Variants in CENPK observed in about 807,000 individuals in gnomAD.
CENPK encodes the protein centromere protein K.
CENPK carries 46 observed loss-of-function variants against 40.9 expected under a neutral mutation model. That is an observed-to-expected ratio of 1.13 (90% CI 0.89 to 1.44). The LOEUF (loss-of-function observed/expected upper bound fraction) is 1.44, where lower values mean the gene tolerates loss of function less well. CENPK is among the 40% of genes most tolerant of loss of function. The probability of loss-of-function intolerance (pLI) is 0.00; values close to 1 mark genes in which losing one functional copy is unlikely to be tolerated. For synonymous variants in CENPK, 107 were observed against 104.4 expected (o/e 1.02, Z -0.15); for missense variants, 288 against 303.5 (o/e 0.95, Z 0.38).
chr5:65,496,355 T>TGA, the CENPK span, among the ~76,000 whole-genome samples: 1,931 of 152,222 alleles, frequency 0.013, 18 homozygotes, highest in South Asian at 0.019. Flanking sequence ...TTTCTAAGAG[T>TGA]GAAAGACTGG....
chr5:65,508,786 T>TA, the CENPK span, among the ~76,000 whole-genome samples: 36,702 of 85,594 alleles, frequency 0.43, 7,362 homozygotes, highest in East Asian at 0.59. Context: ...AGACTCCATC[T>TA]AAAAAAAAAA....
downstream of CENPK, among the ~76,000 whole-genome samples, chr5:65,514,427 G>A (rs1742730222): frequency 1.3e-5 from 2 of 151,650 alleles, no homozygotes; most frequent in Admixed American, 1.3e-4. Flanking sequence ...ACCACGCCTG[G>A]CTAATTTTTT....
intron 6 of CENPK, among the ~76,000 whole-genome samples, chr5:65,536,097 C>G (rs1746844176): frequency 6.6e-6 from 1 of 152,148 alleles, no homozygotes; most frequent in Non-Finnish European, 1.5e-5. Flanking sequence ...AATATACAAT[C>G]CCCTTCTTAT....
intron 5 of CENPK, among the ~76,000 whole-genome samples, chr5:65,546,145 G>C (rs965167322): frequency 1.3e-5 from 2 of 152,150 alleles, no homozygotes; most frequent in African/African-American, 2.4e-5. Context: ...ATGAAAACCC[G>C]AAGTAAATCT....
At chr5:65,504,183 C>T in the CENPK span, among the ~76,000 whole-genome samples, 1 of 151,552 alleles carries the variant, frequency 6.6e-6, no homozygotes, top group East Asian at 1.9e-4. Flanking sequence ...TGGCCAGGCG[C>T]AGTGGCTCAT....
intron 9 of CENPK, among the ~76,000 whole-genome samples, chr5:65,522,533 A>G (rs1743971523): frequency 6.6e-6 from 1 of 152,004 alleles, no homozygotes; most frequent in Non-Finnish European, 1.5e-5. Context: ...GGCTCAAACT[A>G]TCTTCCCACC....
At chr5:65,540,808 C>CTT (rs36024048) in intron 6 of CENPK, among the ~76,000 whole-genome samples, 14 of 130,242 alleles carry the variant, frequency 1.1e-4, no homozygotes, top group African/African-American at 2.9e-4. Flanking sequence ...CAACTGTATC[C>CTT]TTTTTTTTTT....
In CENPK at chr5:65,552,633, A is replaced by AT. The variant is rs1398578483; in HGVS notation, c.112-85dup. 8.6e-6 allele frequency: 6 copies of AT among 699,990 alleles called. No homozygotes were observed. In the South Asian group the frequency reaches 1.2e-4, roughly 14 times the overall value. The allele number at this position is 699,990 out of a possible 1,614,324, so 43.4% of individuals were successfully genotyped here. ...TCCCCTCTCCTTTTCTACCAGGCCA[A>AT]TATAACACTCTTCTAAAGCACAAAC... On this transcript the variant is annotated intron_variant, in intron 3 of 10. Coordinates refer to ENST00000396679, the MANE Select transcript of CENPK (RefSeq NM_022145.5).
the CENPK span, among the ~76,000 whole-genome samples, chr5:65,508,297 C>T: frequency 6.6e-6 from 1 of 152,140 alleles, no homozygotes; most frequent in African/African-American, 2.4e-5. Flanking sequence ...CTAAAGACAA[C>T]TTTTCTTCTA....
downstream of CENPK, among the ~76,000 whole-genome samples, chr5:65,515,776 G>A (rs1455824323): frequency 2.6e-5 from 4 of 152,128 alleles, no homozygotes; most frequent in African/African-American, 4.8e-5. Context: ...AGCTTTGTAT[G>A]AAATTAATAT....
chr5:65,504,516 ATG>A, the CENPK span, among the ~76,000 whole-genome samples: 1 of 151,480 alleles, frequency 6.6e-6, no homozygotes, highest in South Asian at 2.1e-4. Flanking sequence ...TTTCTACCAG[ATG>A]TTTATTACTT....
At chr5:65,559,720 C>G (rs982583573) in intron 2 of CENPK, among the ~76,000 whole-genome samples, 2 of 151,870 alleles carry the variant, frequency 1.3e-5, no homozygotes, top group Admixed American at 1.3e-4. Flanking sequence ...AGGACATACC[C>G]TACACTATTA....
intron 10 of CENPK, among the ~76,000 whole-genome samples, chr5:65,519,194 C>T (rs1407044632): frequency 1.3e-5 from 2 of 152,150 alleles, no homozygotes; most frequent in African/African-American, 4.8e-5. Flanking sequence ...TATAGGCTAG[C>T]ATTTTCCAAA....
rs1349464377 is a variant in CENPK, at chr5:65,518,373, G to A, written c.*102C>T. On this transcript the variant is annotated 3_prime_UTR_variant, in exon 11 of 11. Transcript: ENST00000396679. ...TTGCAATAAAAGTAAGATGGCCTATGCGCATTAATTTGCAAATAATGTTTT... is the reference window on the plus strand; with the variant it reads ...TTGCAATAAAAGTAAGATGGCCTATACGCATTAATTTGCAAATAATGTTTT... The A allele has an allele frequency of 2.6e-6, 3 of 1,134,832 alleles. No individual in the cohort carries two copies. Among genetic ancestry groups the A allele is most frequent in the Non-Finnish European group, 3.8e-6 (3 of 784,496 alleles). The allele number at this position is 1,134,832 out of a possible 1,614,324, so 70.3% of individuals were successfully genotyped here.
intron 9 of CENPK, among the ~76,000 whole-genome samples, chr5:65,525,786 CT>C (rs1744598793): frequency 6.6e-6 from 1 of 152,202 alleles, no homozygotes; most frequent in Non-Finnish European, 1.5e-5. Flanking sequence ...AGAATTCTTT[CT>C]TTCCTTGTGT....
the CENPK span, among the ~76,000 whole-genome samples, chr5:65,506,784 C>CA: frequency 1.1e-3 from 143 of 133,504 alleles, no homozygotes; most frequent in South Asian, 4.3e-3. Context: ...CACTTGGTCT[C>CA]AAAAAAAAAA....
At chr5:65,541,033 G>C (rs1581011811) in intron 6 of CENPK, among the ~76,000 whole-genome samples, 2 of 152,098 alleles carry the variant, frequency 1.3e-5, no homozygotes, top group Admixed American at 1.3e-4. Context: ...ATATTGCCCA[G>C]GCTGGTCTTG....
At chr5:65,542,229 G>A (rs1009157976) in intron 6 of CENPK, among the ~76,000 whole-genome samples, 3 of 152,204 alleles carry the variant, frequency 2.0e-5, no homozygotes, top group African/African-American at 4.8e-5. Flanking sequence ...GTCATTAAGC[G>A]ATGTTTAATA....
At chr5:65,545,586 C>A (rs1461863681) in intron 5 of CENPK, among the ~76,000 whole-genome samples, 2 of 152,028 alleles carry the variant, frequency 1.3e-5, no homozygotes, top group Non-Finnish European at 2.9e-5. Flanking sequence ...ACCAGCAGAC[C>A]AACTCTAAAA....
Sources: gnomAD v4.1 joint callset for allele counts (sites outside exome capture counted in the v4.1 genomes callset) on GRCh38, gnomAD v4.1.1 for gene constraint, MANE v1.5 for transcripts, NCBI Gene and HGNC (gene_info 2026-07-23, HGNC 2026-07-21) for gene names.